Variants in GMDS observed in about 807,000 individuals in gnomAD.
GMDS encodes GDP-mannose 4,6-dehydratase, also known as GDP-mannose 4,6 dehydratase.
A neutral mutation model predicts 49.9 loss-of-function variants in GMDS; 20 were observed. That is an observed-to-expected ratio of 0.40 (90% CI 0.28 to 0.58). The LOEUF (loss-of-function observed/expected upper bound fraction) is 0.58. Ranked by LOEUF, GMDS falls within the 20% of genes least tolerant of loss-of-function variation. The pLI is 0.42. For missense variants in GMDS, 362 were observed against 481.4 expected, an observed-to-expected ratio of 0.75 and a Z score of 2.32; for synonymous variants, 177 against 178.6, an observed-to-expected ratio of 0.99 and a Z score of 0.07.
intron 9 of GMDS, among the ~76,000 whole-genome samples, chr6:1,674,926 T>C (rs12198278): frequency 1.3e-5 from 2 of 151,856 alleles, no homozygotes; most frequent in Admixed American, 6.6e-5. Flanking sequence ...AATTACATTG[T>C]TTTAAATTTC....
intron 4 of GMDS, among the ~76,000 whole-genome samples, chr6:1,994,602 CAAT>C (rs1336553253): frequency 6.6e-6 from 1 of 151,870 alleles, no homozygotes; most frequent in African/African-American, 2.4e-5. Context: ...AGATGCAAAG[CAAT>C]AATAACATTA....
intron 1 of GMDS, among the ~76,000 whole-genome samples, chr6:2,167,295 C>G (rs1029584461): frequency 6.6e-6 from 1 of 152,104 alleles, no homozygotes; most frequent in South Asian, 2.1e-4. Context: ...TCAATACATT[C>G]TATCTATTCT....
chr6:1,944,461 C>T (rs191308122), intron 6 of GMDS, among the ~76,000 whole-genome samples: 1,321 of 129,930 alleles, frequency 0.01, 55 homozygotes, highest in Admixed American at 0.084. Flanking sequence ...GCCGAGATGG[C>T]GCCACTGCAC....
chr6:2,026,568 T>C (rs1768613108), intron 4 of GMDS, among the ~76,000 whole-genome samples: 1 of 152,218 alleles, frequency 6.6e-6, no homozygotes, highest in South Asian at 2.1e-4. Flanking sequence ...GACAGAAACT[T>C]GTTGTGAATC....
At chr6:1,954,556 A>AT (rs1345799842) in intron 6 of GMDS, among the ~76,000 whole-genome samples, 1 of 152,240 alleles carries the variant, frequency 6.6e-6, no homozygotes, top group Non-Finnish European at 1.5e-5. Flanking sequence ...CCTATGTAGT[A>AT]TTATAAACCC....
At chr6:1,665,504 G>C (rs1182790861) in intron 9 of GMDS, among the ~76,000 whole-genome samples, 3 of 152,204 alleles carry the variant, frequency 2.0e-5, no homozygotes, top group Non-Finnish European at 4.4e-5. Context: ...CAGACCTCTG[G>C]CTTGTTAGTA....
intron 9 of GMDS, among the ~76,000 whole-genome samples, chr6:1,666,290 C>A (rs774329198): frequency 6.6e-6 from 1 of 152,116 alleles, no homozygotes; most frequent in African/African-American, 2.4e-5. Flanking sequence ...CTTTTCTGTG[C>A]CGTCTTTATT....
chr6:2,193,720 ATTTT>A (rs35997013), intron 1 of GMDS, among the ~76,000 whole-genome samples: 1 of 111,776 alleles, frequency 8.9e-6, no homozygotes. Context: ...TGAAAATGCT[ATTTT>A]TTTTTTTTTT....
chr6:2,070,028 A>AC (rs1247705881), intron 4 of GMDS, among the ~76,000 whole-genome samples: 1 of 151,414 alleles, frequency 6.6e-6, no homozygotes, highest in African/African-American at 2.4e-5. Context: ...CAAATGTCCA[A>AC]CAATGATAGA....
chr6:1,894,168 T>C (rs1581318182), intron 7 of GMDS, among the ~76,000 whole-genome samples: 1 of 152,230 alleles, frequency 6.6e-6, no homozygotes, highest in East Asian at 1.9e-4. Flanking sequence ...ACCTATCATG[T>C]TCTCAAAAAG....
intron 9 of GMDS, among the ~76,000 whole-genome samples, chr6:1,689,972 G>A (rs935868917): frequency 2.6e-5 from 4 of 151,926 alleles, no homozygotes; most frequent in African/African-American, 9.7e-5. Flanking sequence ...ATAAAACTGG[G>A]TACCCATCTG....
chr6:1,757,998 C>T (rs1174267927), intron 7 of GMDS, among the ~76,000 whole-genome samples: 3 of 152,188 alleles, frequency 2.0e-5, no homozygotes, highest in Non-Finnish European at 2.9e-5. Context: ...TGTCTTTTGT[C>T]CTCACAGGAC....
At chr6:1,965,088 G>T (rs1451651512) in intron 4 of GMDS, among the ~76,000 whole-genome samples, 1 of 138,566 alleles carries the variant, frequency 7.2e-6, no homozygotes, top group Non-Finnish European at 1.6e-5. Context: ...AGGTCTTTGG[G>T]TTAGTTCCAG....
chr6:1,961,395 G>A (rs1239673398), intron 4 of GMDS, among the ~76,000 whole-genome samples: 4 of 152,114 alleles, frequency 2.6e-5, no homozygotes, highest in Non-Finnish European at 5.9e-5. Context: ...TGGAACATGT[G>A]CTTTAGAACA....
chr6:2,074,786 G>A (rs750724437), intron 4 of GMDS, among the ~76,000 whole-genome samples: 1 of 152,128 alleles, frequency 6.6e-6, no homozygotes, highest in African/African-American at 2.4e-5. Context: ...TTACAAGCAT[G>A]AGCCACCATG....
At position 1,635,967 on chromosome 6, in the gene GMDS, C is replaced by T. The variant is rs752260502; in HGVS notation, c.988-11427G>A. 3.9e-5 allele frequency among the ~76,000 whole-genome samples: 6 copies of T among 152,206 alleles called. No homozygotes were observed. Among genetic ancestry groups the T allele is most frequent in the Non-Finnish European group, 8.8e-5 (6 of 68,052 alleles). ...CTTTCCTCACAAGGCACTTTTCCTA[C>T]GTCGCATTTCCAGAGTAACCTGCCA... On this transcript the variant is annotated intron_variant, in intron 9 of 10. Transcript: ENST00000380815. The surrounding 1 kb of genome is among the most constrained non-coding windows in gnomAD (Gnocchi z 4.7).
At chr6:2,050,662 T>A (rs1770334247) in intron 4 of GMDS, among the ~76,000 whole-genome samples, 1 of 152,076 alleles carries the variant, frequency 6.6e-6, no homozygotes, top group Non-Finnish European at 1.5e-5. Context: ...CAGTAGCACA[T>A]CAAAAAGTTT....
chr6:1,737,569 A>C (rs1220022811), intron 8 of GMDS, among the ~76,000 whole-genome samples: 3 of 149,704 alleles, frequency 2.0e-5, no homozygotes, highest in Admixed American at 6.7e-5. Flanking sequence ...CACACACACC[A>C]CACACACAAA....
chr6:1,667,550 G>C (rs142139758), intron 9 of GMDS, among the ~76,000 whole-genome samples: 1 of 152,274 alleles, frequency 6.6e-6, no homozygotes, highest in East Asian at 1.9e-4. Context: ...ACAACACCAA[G>C]GGGATTTGCT....
Sources: allele counts gnomAD v4.1 joint callset (sites outside exome capture counted in the v4.1 genomes callset), GRCh38; gene constraint gnomAD v4.1.1; non-coding constraint Gnocchi (gnomAD v3.1); transcripts MANE v1.5; gene names NCBI Gene and HGNC (gene_info 2026-07-23, HGNC 2026-07-21).